Variants in ANAPC13 observed in about 807,000 individuals in gnomAD.
ANAPC13 encodes the protein anaphase-promoting complex subunit 13.
A neutral mutation model predicts 9.6 loss-of-function variants in ANAPC13; 9 were observed. The ratio of observed to expected loss-of-function variants is 0.94; its 90% CI spans 0.57 to 1.64. ANAPC13 has a LOEUF of 1.64. Among genes scored for constraint, ANAPC13 ranks in the 40% most tolerant of loss-of-function variants. The probability of loss-of-function intolerance (pLI) is 0.00; values close to 1 mark genes in which losing one functional copy is unlikely to be tolerated. For missense variants in ANAPC13, 75 were observed against 85.3 expected (o/e 0.88, Z 0.48); for synonymous variants, 30 against 29.7 (o/e 1.01, Z -0.03).
chr3:134,485,514 G>C (rs1387208043), intron 1 of ANAPC13: 1 of 152,252 alleles, frequency 6.6e-6, no homozygotes, highest in Non-Finnish European at 1.5e-5. Context: ...GGCACCAACT[G>C]GGGAGTCTGT....
At position 134,478,352 on chromosome 3, in the gene ANAPC13, T is replaced by C. The variant is rs1934657255; in HGVS notation, c.*238A>G. 1 of 462,722 alleles carries C rather than the reference T, an allele frequency of 2.2e-6. No individual in the cohort carries two copies. Among genetic ancestry groups the C allele is most frequent in the African/African-American group, 2.0e-5 (1 of 49,852 alleles). The allele number at this position is 462,722 out of a possible 1,614,324, so 28.7% of individuals were successfully genotyped here. A position where few individuals can be genotyped will look rare whatever the true frequency, so the allele number is the denominator to read the frequency against. On this transcript the variant is annotated 3_prime_UTR_variant, in exon 3 of 3. Coordinates refer to ENST00000354910, the MANE Select transcript of ANAPC13 (RefSeq NM_015391.4). ...GTAGAGGCAAATGTTTAACCAATCA[T>C]GTTCAAATATAAGCTACTCAATGAA... is the stretch of plus-strand genomic sequence containing the variant.
In ANAPC13 at chr3:134,482,798, T is replaced by G. The variant is rs1367417540; in HGVS notation, c.99+8A>C. On this transcript the variant is annotated splice_region_variant and intron_variant, in intron 2 of 2. Coordinates refer to ENST00000354910, the MANE Select transcript of ANAPC13 (RefSeq NM_015391.4). ...TTTAACCCATCCTCAGCTCAAATCA[T>G]AACCTACCAGTGGTATTGCGACATC... The G allele has an allele frequency of 6.2e-7, 1 of 1,612,912 alleles. No homozygotes were observed. Among genetic ancestry groups the G allele is most frequent in the South Asian group, 1.1e-5 (1 of 91,058 alleles).
chr3:134,478,737 T>C, intron 2 of ANAPC13, 22 bp from the exon 3 acceptor site: 1 of 1,613,238 alleles, frequency 6.2e-7, no homozygotes, highest in Non-Finnish European at 8.5e-7. Context: ...CAATAGAAAT[T>C]CAGAACAGTA....
intron 1 of ANAPC13, 81 bp from the exon 2 acceptor site, chr3:134,483,012 T>C (rs1934774007): frequency 4.2e-6 from 4 of 951,436 alleles, no homozygotes; most frequent in Admixed American, 2.0e-5. Flanking sequence ...CCAGGCTTTT[T>C]AGTCTGGGGC....
rs1934647326 is a variant in ANAPC13 at position 134,477,909 on chromosome 3, G to A, written c.*681C>T. On this transcript the variant is annotated 3_prime_UTR_variant, in exon 3 of 3. Transcript: ENST00000354910. ...TTATACAAATGTATAACTAAATACT[G>A]ATTCCATAGTGGGGTGGTTGTAACT... 6.6e-6 allele frequency: 1 copy of A among 152,178 alleles called. No homozygotes were observed. The highest frequency in any genetic ancestry group is 1.5e-5 in the Non-Finnish European group (1 of 68,022). The allele number at this position is 152,178 out of a possible 1,614,324, so 9.4% of individuals were successfully genotyped here. A position where few individuals can be genotyped will look rare whatever the true frequency, so the allele number is the denominator to read the frequency against.
intron 1 of ANAPC13, 187 bp from the exon 2 acceptor site, chr3:134,483,118 T>C (rs1934776186): frequency 3.4e-6 from 2 of 589,272 alleles, no homozygotes; most frequent in East Asian, 2.8e-5. Flanking sequence ...TATTTTATAG[T>C]GTATACTGGA....
chr3:134,479,342 G>A (rs989694717), intron 2 of ANAPC13, among the ~76,000 whole-genome samples: 1 of 151,912 alleles, frequency 6.6e-6, no homozygotes, highest in Non-Finnish European at 1.5e-5. Flanking sequence ...GACCCAACAT[G>A]TCTTTTTTTT....
intron 1 of ANAPC13, among the ~76,000 whole-genome samples, chr3:134,483,736 C>CT (rs1317029509): frequency 6.6e-6 from 1 of 152,156 alleles, no homozygotes; most frequent in Admixed American, 6.5e-5. Context: ...TATGGGTGCT[C>CT]CCTGCTACCA....
At position 134,484,709 on chromosome 3, in the gene ANAPC13, C is replaced by T. The variant is rs118038396; in HGVS notation, c.-28+1243G>A. Among the ~76,000 whole-genome samples the T allele has an allele frequency of 9.5e-4, 145 of 152,356 alleles. No homozygotes were observed. The East Asian group carries it at 0.023, about 24-fold the overall frequency. The stretch of plus-strand genomic sequence containing the variant: ...AGTGCTCCCCACTTTCCTGCTGCTA[C>T]TCCTTTGTCCTTGCTGCTCTGTCTC... On this transcript the variant is annotated intron_variant, in intron 1 of 2. Coordinates refer to ENST00000354910, the MANE Select transcript of ANAPC13 (RefSeq NM_015391.4).
Position 134,478,418 on chromosome 3 carries a change from G to T in ANAPC13, c.*172C>A. ...AGAGCGAAATATTCACCATTACTGA[G>T]AAATCTCAGTTTCTCATTCAATTTC... is the stretch of plus-strand genomic sequence containing the variant. On this transcript the variant is annotated 3_prime_UTR_variant, in exon 3 of 3. Coordinates refer to ENST00000354910, the MANE Select transcript of ANAPC13 (RefSeq NM_015391.4). 7.3e-6 allele frequency: 6 copies of T among 827,494 alleles called. No homozygotes were observed. Among genetic ancestry groups the T allele is most frequent in the South Asian group, 1.9e-5 (1 of 52,230 alleles). 51.3% of individuals were successfully genotyped at this position (827,494 alleles called of 1,614,324 possible).
chr3:134,485,968 C>A lies in ANAPC13; in HGVS notation c.-44G>T. ...AACCCTTACCGGCACCCGGCCACCGCGGCAGACGCTTGCTCCTGCCACGCC... is the reference window on the plus strand; with the variant it reads ...AACCCTTACCGGCACCCGGCCACCGAGGCAGACGCTTGCTCCTGCCACGCC... On this transcript the variant is annotated 5_prime_UTR_variant, in exon 1 of 3. Transcript: ENST00000354910. The A allele has an allele frequency of 1.0e-6, 1 of 972,466 alleles. No homozygotes were observed. Among genetic ancestry groups the A allele is most frequent in the African/African-American group, 1.9e-5 (1 of 53,328 alleles). The allele number at this position is 972,466 out of a possible 1,614,324, so 60.2% of individuals were successfully genotyped here.
At chr3:134,483,394 T>C (rs900855939) in intron 1 of ANAPC13, 1 of 155,724 alleles carries the variant, frequency 6.4e-6, no homozygotes, top group Non-Finnish European at 1.4e-5. Flanking sequence ...ACGGCTTCCT[T>C]CCCTAAAATA....
Position 134,478,287 on chromosome 3 carries a change from T to C in ANAPC13, c.*303A>G, listed in dbSNP as rs1432891721. The C allele has an allele frequency of 3.0e-5, 9 of 297,630 alleles. No homozygotes were observed. Among genetic ancestry groups the C allele is most frequent in the South Asian group, 8.2e-5 (2 of 24,520 alleles). 18.4% of individuals were successfully genotyped at this position (297,630 alleles called of 1,614,324 possible). A position where few individuals can be genotyped will look rare whatever the true frequency, so the allele number is the denominator to read the frequency against. The stretch of plus-strand genomic sequence containing the variant: ...TGTGTTACAGGACACACATAAGTAG[T>C]TGGAAGGTGTTAAACTTTGACAGCA... On this transcript the variant is annotated 3_prime_UTR_variant, in exon 3 of 3. Coordinates refer to ENST00000354910, the MANE Select transcript of ANAPC13 (RefSeq NM_015391.4).
At chr3:134,483,436 C>G (rs542269705) in intron 1 of ANAPC13, among the ~76,000 whole-genome samples, 4 of 152,304 alleles carry the variant, frequency 2.6e-5, no homozygotes, top group Non-Finnish European at 4.4e-5. Context: ...TAAAGCACTT[C>G]TAGGTGAACA....
At chr3:134,478,779 C>T in intron 2 of ANAPC13, 64 bp from the exon 3 acceptor site, 1 of 1,566,624 alleles carries the variant, frequency 6.4e-7, no homozygotes, top group East Asian at 2.3e-5. Flanking sequence ...AACTCAAGAA[C>T]ACTTAGAATT....
chr3:134,486,019 T>C, upstream of ANAPC13: 1 of 877,008 alleles, frequency 1.1e-6, no homozygotes, highest in Non-Finnish European at 1.4e-6. Context: ...GCATCACGTG[T>C]CTGCACTCGC....
Position 134,482,887 on chromosome 3 carries a change from C to G in ANAPC13, c.18G>C (p.Gln6His). 1.2e-6 allele frequency: 2 copies of G among 1,614,132 alleles called. No homozygotes were observed. The highest frequency in any genetic ancestry group is 1.1e-5 in the South Asian group (1 of 91,086). ...TCAAATCCAAGATCCTTCCATCTCT[C>G]TGAACCTCACTGTCCATTTTCCTGC... The part of the protein sequence containing the change: MDSEV[Q>H]RDGRILDLID... Residue 6 changes from glutamine (Q) to histidine (H), a missense_variant, in exon 2 of 3, where the codon CAG becomes CAC. By Grantham distance (24) the Gln-to-His change is conservative. Transcript: ENST00000354910.
At chr3:134,478,830 T>A in intron 2 of ANAPC13, 115 bp from the exon 3 acceptor site, 1 of 1,187,914 alleles carries the variant, frequency 8.4e-7, no homozygotes, top group South Asian at 1.4e-5. Context: ...ATAATTGATA[T>A]GTGTATTCTA....
chr3:134,484,582 G>A (rs894561028), intron 1 of ANAPC13, among the ~76,000 whole-genome samples: 2 of 152,112 alleles, frequency 1.3e-5, no homozygotes, highest in Non-Finnish European at 2.9e-5. Flanking sequence ...GCCAGGTGAG[G>A]GCTTAATTAA....
Sources: gnomAD v4.1 joint callset for allele counts (sites outside exome capture counted in the v4.1 genomes callset) on GRCh38, gnomAD v4.1.1 for gene constraint, MANE v1.5 for transcripts, NCBI Gene and HGNC (gene_info 2026-07-23, HGNC 2026-07-21) for gene names.